The following EML4 variants were observed in gnomAD, a reference collection of about 807,000 sequenced individuals.
The protein encoded by EML4 is EMAP like 4, also known as echinoderm microtubule-associated protein-like 4.
A neutral mutation model predicts 129.0 loss-of-function variants in EML4; 72 were observed. The ratio of observed to expected loss-of-function variants is 0.56; its 90% CI spans 0.46 to 0.68. EML4 has a LOEUF of 0.68. EML4 is among the 30% of genes least tolerant of loss of function. The pLI is 0.00. For synonymous variants in EML4, 532 were observed against 405.0 expected, an observed-to-expected ratio of 1.31 and a Z score of -3.77; for missense variants, 1,363 against 1,190.6, an observed-to-expected ratio of 1.14 and a Z score of -2.13.
chr2:42,323,827 C>T (rs929096364), intron 19 of EML4, among the ~76,000 whole-genome samples: 8 of 150,730 alleles, frequency 5.3e-5, no homozygotes, highest in Non-Finnish European at 1.2e-4. Flanking sequence ...ACCTGTAGTC[C>T]CAGCTACTTG....
intron 6 of EML4, among the ~76,000 whole-genome samples, chr2:42,268,112 A>G (rs1162995931): frequency 2.0e-5 from 3 of 152,252 alleles, no homozygotes; most frequent in African/African-American, 7.2e-5. Flanking sequence ...ATAGTTATCA[A>G]GTACAACTGG....
chr2:42,295,212 T>G lies in EML4; in HGVS notation c.1306T>G (p.Trp436Gly). Residue 436 changes from tryptophan to glycine, a missense_variant, in exon 12 of 23, where the codon TGG (tryptophan) becomes GGG (glycine). Transcript: ENST00000318522. The part of the protein sequence containing the change: ...ITCGKSHIFF[W>G]TWSGNSLTRK... ...ATGCGGTAAATCTCATATTTTCTTC[T>G]GGACCTGGAGCGGCAATTCACTAAC... The G allele has an allele frequency of 6.2e-7, 1 of 1,613,570 alleles. No homozygotes were observed. Among genetic ancestry groups the G allele is most frequent in the Non-Finnish European group, 8.5e-7 (1 of 1,179,892 alleles).
intron 21 of EML4, among the ~76,000 whole-genome samples, chr2:42,327,161 T>C (rs1404582725): frequency 6.6e-6 from 1 of 152,246 alleles, no homozygotes; most frequent in African/African-American, 2.4e-5. Context: ...ATCCACGTTG[T>C]AGCATACATC....
chr2:42,173,066 A>G (rs558908933), intron 1 of EML4, among the ~76,000 whole-genome samples: 12 of 152,348 alleles, frequency 7.9e-5, no homozygotes, highest in South Asian at 4.1e-4. Context: ...ATTAGGATCT[A>G]TAAGAAACAA....
At chr2:42,240,091 C>T (rs576447555) in intron 1 of EML4, among the ~76,000 whole-genome samples, 1 of 152,120 alleles carries the variant, frequency 6.6e-6, no homozygotes, top group Non-Finnish European at 1.5e-5. Flanking sequence ...TGTTGGACTT[C>T]AAGATAGTGT....
At chr2:42,235,272 GT>G (rs1292052119) in intron 1 of EML4, among the ~76,000 whole-genome samples, 3 of 151,526 alleles carry the variant, frequency 2.0e-5, no homozygotes, top group African/African-American at 7.3e-5. Context: ...CTCAGTCTGG[GT>G]GACAAGAGCG....
At chr2:42,257,625 G>A (rs1256464894) in intron 3 of EML4, among the ~76,000 whole-genome samples, 1 of 152,144 alleles carries the variant, frequency 6.6e-6, no homozygotes, top group African/African-American at 2.4e-5. Context: ...CACGAGGTCA[G>A]GAGATCGAGA....
chr2:42,265,808 T>C (rs1313507577), intron 6 of EML4, among the ~76,000 whole-genome samples: 13 of 152,244 alleles, frequency 8.5e-5, no homozygotes, highest in Non-Finnish European at 1.5e-5. Flanking sequence ...TTTTCTTTTA[T>C]ATTGATTGTA....
intron 1 of EML4, among the ~76,000 whole-genome samples, chr2:42,224,686 A>G (rs189087551): frequency 7.6e-4 from 115 of 152,142 alleles, no homozygotes; most frequent in African/African-American, 2.5e-3. Context: ...GAGGGTTTCA[A>G]TTTCCCCTTA....
chr2:42,258,147 A>G (rs1400748832), intron 3 of EML4, among the ~76,000 whole-genome samples: 2 of 152,164 alleles, frequency 1.3e-5, no homozygotes, highest in African/African-American at 4.8e-5. Flanking sequence ...TTGTTAGTTT[A>G]TGATCCAGGG....
chr2:42,283,074 A>C, intron 8 of EML4, 102 bp downstream of exon 8: 22 of 1,136,340 alleles, frequency 1.9e-5, no homozygotes, highest in Non-Finnish European at 2.7e-5. Context: ...TGGAAAGCTC[A>C]GAATGTAAAA....
chr2:42,183,904 G>A (rs931538269), intron 1 of EML4, among the ~76,000 whole-genome samples: 2 of 152,096 alleles, frequency 1.3e-5, no homozygotes, highest in Non-Finnish European at 2.9e-5. Flanking sequence ...AGCTGTTTGT[G>A]GGTGGTTGTG....
At chr2:42,222,863 A>T (rs866367252) in intron 1 of EML4, among the ~76,000 whole-genome samples, 2 of 152,052 alleles carry the variant, frequency 1.3e-5, no homozygotes, top group African/African-American at 4.8e-5. Context: ...CAATGGTGCA[A>T]TCTCGGCTCA....
chr2:42,326,144 A>G lies in EML4; in HGVS notation c.2243-10A>G, dbSNP rs1396729856. 6 of 1,611,424 alleles carry G rather than the reference A, an allele frequency of 3.7e-6. No individual in the cohort carries two copies. Among genetic ancestry groups the G allele is most frequent in the Non-Finnish European group, 5.1e-6 (6 of 1,179,148 alleles). On this transcript the variant is annotated splice_polypyrimidine_tract_variant and intron_variant, in intron 20 of 22. Transcript: ENST00000318522. ...CACTATGATTATACTTCCTGTTTCT[A>G]AATTTAAAGGGGACATTCCAAATGG...
At chr2:42,183,276 T>C (rs1003807974) in intron 1 of EML4, among the ~76,000 whole-genome samples, 1 of 152,228 alleles carries the variant, frequency 6.6e-6, no homozygotes, top group African/African-American at 2.4e-5. Context: ...ATCCCTGCTC[T>C]CATGAAGCTT....
rs1670109166 is a variant in EML4 at position 42,331,702 on chromosome 2, C to T, written c.*1495C>T. The T allele has an allele frequency of 4.6e-6, 1 of 219,530 alleles. No individual in the cohort carries two copies. The highest frequency in any genetic ancestry group is 1.9e-4 in the South Asian group (1 of 5,394). 13.6% of individuals were successfully genotyped at this position (219,530 alleles called of 1,614,324 possible). ...TTCTAATATCTTCTCAGGAGTAATA[C>T]AAATCAGGTATTTCATCATCATTTG... On this transcript the variant is annotated 3_prime_UTR_variant, in exon 23 of 23. Coordinates refer to ENST00000318522, the MANE Select transcript of EML4 (RefSeq NM_019063.5).
intron 1 of EML4, among the ~76,000 whole-genome samples, chr2:42,184,642 C>A (rs1413548742): frequency 6.6e-6 from 1 of 152,062 alleles, no homozygotes; most frequent in Non-Finnish European, 1.5e-5. Flanking sequence ...AATATCTCTC[C>A]TTTCTCTTAC....
chr2:42,196,900 T>C (rs1019885722), intron 1 of EML4, among the ~76,000 whole-genome samples: 13 of 152,152 alleles, frequency 8.5e-5, no homozygotes, highest in African/African-American at 3.1e-4. Flanking sequence ...GGAAGTCTCA[T>C]TCTTTATAAT....
chr2:42,313,454 A>G (rs943697337), intron 17 of EML4, among the ~76,000 whole-genome samples: 1 of 152,122 alleles, frequency 6.6e-6, no homozygotes, highest in Admixed American at 6.6e-5. Context: ...GACAAGGTAA[A>G]AAATTGGTAT....
Sources: gnomAD v4.1 joint callset for allele counts (sites outside exome capture counted in the v4.1 genomes callset) on GRCh38, gnomAD v4.1.1 for gene constraint, MANE v1.5 for transcripts, NCBI Gene and HGNC (gene_info 2026-07-23, HGNC 2026-07-21) for gene names.